MAD1L1: variants seen among roughly 807,000 people sequenced by gnomAD.
The protein encoded by MAD1L1 is mitotic arrest deficient 1 like 1, also known as mitotic spindle assembly checkpoint protein MAD1.
In MAD1L1, 95 loss-of-function variants were observed where a neutral mutation model predicts 96.9. That is an observed-to-expected ratio of 0.98 (90% CI 0.83 to 1.16). The LOEUF is 1.16. Among genes scored for constraint, MAD1L1 ranks in the 50% most tolerant of loss-of-function variants. MAD1L1 has a pLI of 0.00. For missense variants in MAD1L1, 1,007 were observed against 954.4 expected, an observed-to-expected ratio of 1.06 and a Z score of -0.73; for synonymous variants, 473 against 396.6, an observed-to-expected ratio of 1.19 and a Z score of -2.29.
At chr7:2,102,610 C>CTGT (rs1416636735) in intron 11 of MAD1L1, among the ~76,000 whole-genome samples, 1 of 152,040 alleles carries the variant, frequency 6.6e-6, no homozygotes, top group East Asian at 1.9e-4. Context: ...ATCGGTGACA[C>CTGT]CACGGTCTCC....
intron 16 of MAD1L1, among the ~76,000 whole-genome samples, chr7:1,938,840 G>GCACACA (rs72439038): frequency 0.025 from 2,300 of 90,954 alleles, 134 homozygotes; most frequent in African/African-American, 0.1. Flanking sequence ...GGGGCCAGAG[G>GCACACA]CACACACACA....
At chr7:2,231,051 G>A (rs943870450) in intron 1 of MAD1L1, among the ~76,000 whole-genome samples, 7 of 152,162 alleles carry the variant, frequency 4.6e-5, no homozygotes, top group Non-Finnish European at 5.9e-5. Context: ...GGTGGTTCAC[G>A]CCTCTAATCC....
intron 11 of MAD1L1, among the ~76,000 whole-genome samples, chr7:2,134,817 G>C (rs1307640665): frequency 6.6e-6 from 1 of 152,162 alleles, no homozygotes; most frequent in Non-Finnish European, 1.5e-5. Context: ...AGGTGGGCAT[G>C]ATCTCCAGGC....
chr7:1,944,782 A>G (rs1169334115), intron 16 of MAD1L1, among the ~76,000 whole-genome samples: 1 of 152,148 alleles, frequency 6.6e-6, no homozygotes, highest in Admixed American at 6.5e-5. Flanking sequence ...CAGTGACCAC[A>G]GTCTGCAGGA....
At chr7:2,176,698 C>A (rs1010137914) in intron 10 of MAD1L1, among the ~76,000 whole-genome samples, 6 of 151,256 alleles carry the variant, frequency 4.0e-5, no homozygotes, top group Non-Finnish European at 8.8e-5. Context: ...AGGACACTGT[C>A]AACATAGTAA....
chr7:1,872,664 T>G (rs1785169696), intron 18 of MAD1L1: 1 of 152,314 alleles, frequency 6.6e-6, no homozygotes, highest in African/African-American at 2.4e-5. Context: ...TCTCCAGGGC[T>G]GTCCTCCTGG....
chr7:2,007,209 G>A (rs1308757274), intron 13 of MAD1L1, among the ~76,000 whole-genome samples: 1 of 152,222 alleles, frequency 6.6e-6, no homozygotes, highest in Admixed American at 6.5e-5. Flanking sequence ...AGTCACTGGA[G>A]ACACACAGAT....
intron 12 of MAD1L1, among the ~76,000 whole-genome samples, chr7:2,016,897 T>C (rs1331787520): frequency 2.6e-5 from 4 of 152,270 alleles, no homozygotes; most frequent in Non-Finnish European, 4.4e-5. Flanking sequence ...TTGACTTTTA[T>C]CGTTTCAAGC....
At chr7:2,111,321 C>G (rs73038493) in intron 11 of MAD1L1, among the ~76,000 whole-genome samples, 3,852 of 152,324 alleles carry the variant, frequency 0.025, 82 homozygotes, top group Middle Eastern at 0.051. Flanking sequence ...GGCTGCCCAG[C>G]CCCCAGTCCC....
At chr7:2,124,047 G>A (rs376981071) in intron 11 of MAD1L1, among the ~76,000 whole-genome samples, 4 of 152,308 alleles carry the variant, frequency 2.6e-5, no homozygotes, top group South Asian at 2.1e-4. Flanking sequence ...TCCTCTAGAC[G>A]GGGAAGCCGG....
At chr7:1,847,266 C>T (rs148569057) in intron 18 of MAD1L1, 39 of 470,976 alleles carry the variant, frequency 8.3e-5, no homozygotes, top group East Asian at 3.5e-4. Flanking sequence ...GGTTTTCTTT[C>T]GGGACACAAC....
At chr7:1,869,741 C>A (rs935135397) in intron 18 of MAD1L1, among the ~76,000 whole-genome samples, 1 of 152,234 alleles carries the variant, frequency 6.6e-6, no homozygotes, top group African/African-American at 2.4e-5. Flanking sequence ...GGACCACAGC[C>A]TCATGGAGAT....
At chr7:2,135,428 T>C (rs1387553010) in intron 11 of MAD1L1, among the ~76,000 whole-genome samples, 2 of 152,268 alleles carry the variant, frequency 1.3e-5, no homozygotes, top group Non-Finnish European at 2.9e-5. Flanking sequence ...ATATATTTTG[T>C]TAAGTGATAA....
At chr7:2,097,866 G>A (rs1246311982) in intron 11 of MAD1L1, among the ~76,000 whole-genome samples, 1 of 152,254 alleles carries the variant, frequency 6.6e-6, no homozygotes, top group Non-Finnish European at 1.5e-5. Flanking sequence ...TCATGCCTGG[G>A]CAGTGTTCCT....
intron 18 of MAD1L1, among the ~76,000 whole-genome samples, chr7:1,860,791 CAGGA>C (rs1274349878): frequency 4.6e-5 from 7 of 152,208 alleles, no homozygotes; most frequent in Admixed American, 4.6e-4. Flanking sequence ...CTCTCGGCCT[CAGGA>C]AGGGATGCCG....
chr7:1,948,586 G>T (rs1011250630), intron 16 of MAD1L1, among the ~76,000 whole-genome samples: 2 of 152,208 alleles, frequency 1.3e-5, no homozygotes, highest in Non-Finnish European at 2.9e-5. Context: ...GGGGAGGAGG[G>T]AGCTGGGAGG....
At chr7:2,193,936 ATTTTTTT>A (rs35067993) in intron 10 of MAD1L1, among the ~76,000 whole-genome samples, 3 of 82,802 alleles carry the variant, frequency 3.6e-5, no homozygotes, top group African/African-American at 9.4e-5. Context: ...CTCTGCATGG[ATTTTTTT>A]TTTTTTTTTT....
intron 14 of MAD1L1, among the ~76,000 whole-genome samples, chr7:1,990,346 A>C (rs1283544201): frequency 3.3e-5 from 5 of 152,000 alleles, no homozygotes; most frequent in Non-Finnish European, 5.9e-5. Context: ...TTTCCGCTCA[A>C]CTCTGCACCC....
chr7:2,116,808 C>A (rs1787728749), intron 11 of MAD1L1, among the ~76,000 whole-genome samples: 1 of 152,198 alleles, frequency 6.6e-6, no homozygotes, highest in Non-Finnish European at 1.5e-5. Context: ...AGGCACATCA[C>A]CAAGTACGAG....
Sources: gnomAD v4.1 joint callset for allele counts (sites outside exome capture counted in the v4.1 genomes callset) on GRCh38, gnomAD v4.1.1 for gene constraint, MANE v1.5 for transcripts, NCBI Gene and HGNC (gene_info 2026-07-23, HGNC 2026-07-21) for gene names.